CEP120: variants seen among roughly 807,000 people sequenced by gnomAD.
CEP120 encodes centrosomal protein 120.
In CEP120, 113 loss-of-function variants were observed where a neutral mutation model predicts 126.5. That is an observed-to-expected ratio of 0.89 (90% CI 0.77 to 1.04). The LOEUF (loss-of-function observed/expected upper bound fraction) is 1.04. Ranked by LOEUF, CEP120 falls within the 50% of genes least tolerant of loss-of-function variation. The probability of loss-of-function intolerance (pLI) is 0.00; values close to 1 mark genes in which losing one functional copy is unlikely to be tolerated. For synonymous variants in CEP120, 400 were observed against 394.3 expected, an observed-to-expected ratio of 1.01 and a Z score of -0.17; for missense variants, 1,230 against 1,155.7, an observed-to-expected ratio of 1.06 and a Z score of -0.93.
intron 5 of CEP120, among the ~76,000 whole-genome samples, chr5:123,395,378 G>A (rs1356022857): frequency 2.0e-5 from 3 of 152,172 alleles, no homozygotes; most frequent in Non-Finnish European, 2.9e-5. Flanking sequence ...GAAAAGGTTT[G>A]TAAATCTGTT....
chr5:123,395,424 A>C (rs963864344), intron 5 of CEP120, among the ~76,000 whole-genome samples: 6 of 152,184 alleles, frequency 3.9e-5, no homozygotes, highest in African/African-American at 1.4e-4. Context: ...CCTTTGACTA[A>C]GTTGAGAGGA....
In CEP120 at chr5:123,369,550, C is replaced by T. The variant is rs1428387; in HGVS notation, c.2481+3100G>A. 0.048 allele frequency among the ~76,000 whole-genome samples: 7,297 copies of T among 152,020 alleles called. 239 individuals carry two copies. The highest frequency in any genetic ancestry group is 0.1 in the South Asian group (493 of 4,814). On this transcript the variant is annotated intron_variant, in intron 17 of 19. Transcript: ENST00000306467. ...TTCCCTCATGCTCTAGGATGGCCTT[C>T]GTCCTCAACCTCAAACAATCCAGGC... is the stretch of plus-strand genomic sequence containing the variant.
At chr5:123,362,614 T>C (rs1237482354) in intron 18 of CEP120, among the ~76,000 whole-genome samples, 3 of 151,788 alleles carry the variant, frequency 2.0e-5, no homozygotes, top group African/African-American at 7.2e-5. Context: ...GGCTCAGTGT[T>C]ACACCTAGCA....
intron 4 of CEP120, among the ~76,000 whole-genome samples, chr5:123,410,713 T>G (rs933620332): frequency 6.6e-6 from 1 of 152,176 alleles, no homozygotes; most frequent in South Asian, 2.1e-4. Flanking sequence ...AAATGTAAAC[T>G]GCAAAACTAT....
intron 10 of CEP120, among the ~76,000 whole-genome samples, chr5:123,385,559 G>T (rs7713551): frequency 0.27 from 41,065 of 151,138 alleles, 5,775 homozygotes; most frequent in Middle Eastern, 0.31. Flanking sequence ...CACAACAATA[G>T]AATTATCTAA....
In CEP120 at chr5:123,388,447, A is replaced by T; in HGVS notation, c.1415T>A (p.Ile472Asn). ...CAAATCACACCTTAATATACAGTTG[A>T]TTGGAAAACCAATCTCCAAGGCATG... is the stretch of plus-strand genomic sequence containing the variant. ...SIHALEIGFP[I>N]NCILRYSYPF... Residue 472 changes from isoleucine to asparagine, a missense_variant, in exon 9 of 20, where the codon ATC becomes AAC. Ile to Asn is a moderately radical substitution (Grantham distance 149, BLOSUM62 -3). Transcript: ENST00000306467. 1 of 1,553,344 alleles carries T rather than the reference A, an allele frequency of 6.4e-7. No individual in the cohort carries two copies. Among genetic ancestry groups the T allele is most frequent in the Admixed American group, 2.1e-5 (1 of 48,758 alleles).
chr5:123,371,692 C>G (rs1770867386), intron 17 of CEP120, among the ~76,000 whole-genome samples: 2 of 152,040 alleles, frequency 1.3e-5, no homozygotes, highest in South Asian at 4.1e-4. Flanking sequence ...CAACTACTGC[C>G]AGCGAAAATA....
chr5:123,384,903 C>T (rs1410020956), intron 11 of CEP120, 48 bp downstream of exon 11: 1 of 1,477,060 alleles, frequency 6.8e-7, no homozygotes, highest in Admixed American at 2.1e-5. Flanking sequence ...CAAAATCATT[C>T]CATGAATTGA....
At chr5:123,403,661 T>G (rs776458502) in intron 4 of CEP120, 2 of 383,286 alleles carry the variant, frequency 5.2e-6, no homozygotes, top group Non-Finnish European at 1.0e-5. Flanking sequence ...AAAGTTAGCA[T>G]CAGAAATAGG....
At chr5:123,403,177 G>T (rs1773385305) in intron 4 of CEP120, 1 of 416,350 alleles carries the variant, frequency 2.4e-6, no homozygotes, top group Admixed American at 3.1e-5. Flanking sequence ...TCTACTGAAA[G>T]GGCCTGGGAA....
At position 123,402,264 on chromosome 5, in the gene CEP120, C is replaced by A. The variant is rs1457223006; in HGVS notation, c.464-2980G>T. 3 of 1,496,894 alleles carry A rather than the reference C, an allele frequency of 2.0e-6. No individual in the cohort carries two copies. The African/African-American group carries it at 4.1e-5, about 21-fold the overall frequency. 92.7% of individuals were successfully genotyped at this position (1,496,894 alleles called of 1,614,324 possible). ...GGAGCTGATGTGGGCACCGGGCCCA[C>A]TTGTGTAGGAGTGGCTGCTGAAGGC... On this transcript the variant is annotated intron_variant, in intron 4 of 19. Transcript: ENST00000306467.
At chr5:123,350,166 T>C (rs1769110697) in intron 18 of CEP120, 77 bp from the exon 19 acceptor site, 1 of 1,334,656 alleles carries the variant, frequency 7.5e-7, no homozygotes, top group Non-Finnish European at 1.0e-6. Context: ...CTTGTGATTA[T>C]AATCCTATTT....
intron 17 of CEP120, among the ~76,000 whole-genome samples, chr5:123,372,389 A>T (rs1314253697): frequency 1.3e-5 from 2 of 152,074 alleles, no homozygotes; most frequent in Non-Finnish European, 2.9e-5. Context: ...TAGCCTCCTG[A>T]AAGTTTTGTA....
chr5:123,353,007 T>C (rs963669148), intron 18 of CEP120, among the ~76,000 whole-genome samples: 3 of 152,018 alleles, frequency 2.0e-5, no homozygotes, highest in Non-Finnish European at 4.4e-5. Context: ...TTATTCCTAA[T>C]AGGTCAATGT....
At chr5:123,358,165 G>T (rs1456591395) in intron 18 of CEP120, 1 of 151,678 alleles carries the variant, frequency 6.6e-6, no homozygotes, top group Non-Finnish European at 1.5e-5. Context: ...AATGTTGTTT[G>T]CAAAAAGACT....
intron 17 of CEP120, among the ~76,000 whole-genome samples, chr5:123,367,121 A>T (rs1017357043): frequency 1.3e-5 from 2 of 151,772 alleles, no homozygotes; most frequent in Non-Finnish European, 2.9e-5. Context: ...TCTCCCAATT[A>T]CTTTACGAAC....
At chr5:123,419,647 A>G (rs1310376444) in intron 1 of CEP120, among the ~76,000 whole-genome samples, 2 of 151,952 alleles carry the variant, frequency 1.3e-5, no homozygotes, top group Non-Finnish European at 2.9e-5. Context: ...ACTGTACACT[A>G]TCAGGAAATA....
Position 123,393,491 on chromosome 5 carries a change from G to A in CEP120, c.619C>T (p.Pro207Ser), listed in dbSNP as rs778686327. Residue 207 changes from proline to serine, a missense_variant, in exon 6 of 20, where the codon CCA (proline) becomes TCA (serine). Pro to Ser is a moderately conservative substitution (Grantham distance 74, BLOSUM62 -1). Transcript: ENST00000306467. The stretch of plus-strand genomic sequence containing the variant: ...CTTTCTGGAAGTTTCATGGTACATG[G>A]AATTAACTAAACATTTCAGGAAAAA... ...AFATQLEQLI[P>S]CTMKLPERQP... 1 of 1,612,396 alleles carries A rather than the reference G, an allele frequency of 6.2e-7. No individual in the cohort carries two copies. Among genetic ancestry groups the A allele is most frequent in the Non-Finnish European group, 8.5e-7 (1 of 1,178,718 alleles).
chr5:123,369,579 A>C (rs1249825345), intron 17 of CEP120, among the ~76,000 whole-genome samples: 1 of 151,932 alleles, frequency 6.6e-6, no homozygotes, highest in Non-Finnish European at 1.5e-5. Context: ...TCCAGGCTTA[A>C]CCTCACTTCA....
Sources: gnomAD v4.1 joint callset for allele counts (sites outside exome capture counted in the v4.1 genomes callset) on GRCh38, gnomAD v4.1.1 for gene constraint, MANE v1.5 for transcripts, NCBI Gene and HGNC (gene_info 2026-07-23, HGNC 2026-07-21) for gene names.